The following DENND1B variants were observed in gnomAD, a reference collection of about 807,000 sequenced individuals.
The protein encoded by DENND1B is DENN domain containing 1B.
In DENND1B, 59 loss-of-function variants were observed where a neutral mutation model predicts 90.1. The ratio of observed to expected loss-of-function variants is 0.65; its 90% CI spans 0.53 to 0.81. The LOEUF (loss-of-function observed/expected upper bound fraction) is 0.81. Ranked by LOEUF, DENND1B falls within the 40% of genes least tolerant of loss-of-function variation. The pLI is 0.00. For missense variants in DENND1B, 862 were observed against 912.6 expected, an observed-to-expected ratio of 0.94 and a Z score of 0.71; for synonymous variants, 337 against 324.6, an observed-to-expected ratio of 1.04 and a Z score of -0.41.
intron 12 of DENND1B, among the ~76,000 whole-genome samples, chr1:197,611,424 A>G (rs1195660225): frequency 6.6e-6 from 1 of 150,810 alleles, no homozygotes; most frequent in Non-Finnish European, 1.5e-5. Flanking sequence ...TAAATTTTAT[A>G]TTCCCCAACA....
At chr1:197,616,696 T>C (rs1346928730) in intron 11 of DENND1B, among the ~76,000 whole-genome samples, 1 of 151,176 alleles carries the variant, frequency 6.6e-6, no homozygotes, top group Non-Finnish European at 1.5e-5. Context: ...TAATCCTTAA[T>C]ACTTTCTGCC....
intron 15 of DENND1B, among the ~76,000 whole-genome samples, chr1:197,568,937 A>G (rs1379695517): frequency 6.6e-6 from 1 of 152,140 alleles, no homozygotes; most frequent in Non-Finnish European, 1.5e-5. Context: ...AAGCACAGGC[A>G]ACGAAAGCAA....
At chr1:197,679,893 T>C (rs1452632531) in intron 3 of DENND1B, among the ~76,000 whole-genome samples, 1 of 149,412 alleles carries the variant, frequency 6.7e-6, no homozygotes, top group Non-Finnish European at 1.5e-5. Context: ...CTCACACCTG[T>C]AATCCCAGCA....
intron 2 of DENND1B, among the ~76,000 whole-genome samples, chr1:197,751,797 T>C (rs1485833303): frequency 6.7e-6 from 1 of 148,700 alleles, no homozygotes; most frequent in Non-Finnish European, 1.5e-5. Context: ...TGAGCCAAGA[T>C]CGTGCCACTA....
chr1:197,626,347 T>G (rs950832684), intron 10 of DENND1B, among the ~76,000 whole-genome samples: 4 of 152,144 alleles, frequency 2.6e-5, no homozygotes, highest in African/African-American at 9.7e-5. Flanking sequence ...GCAATCGAAC[T>G]AGAACTCAGG....
At chr1:197,528,387 T>C (rs992842535) in intron 20 of DENND1B, among the ~76,000 whole-genome samples, 45 of 152,164 alleles carry the variant, frequency 3.0e-4, no homozygotes, top group African/African-American at 1.1e-3. Flanking sequence ...AAAAGTATGT[T>C]ACTCATCAAC....
intron 18 of DENND1B, among the ~76,000 whole-genome samples, chr1:197,543,123 T>C (rs1423660848): frequency 6.6e-6 from 1 of 151,902 alleles, no homozygotes; most frequent in Non-Finnish European, 1.5e-5. Context: ...TCAATAGAGA[T>C]GGGGTTTCAC....
intron 3 of DENND1B, among the ~76,000 whole-genome samples, chr1:197,706,457 G>A (rs905933649): frequency 2.0e-5 from 3 of 152,236 alleles, no homozygotes; most frequent in African/African-American, 7.2e-5. Flanking sequence ...AAAAGCTTCG[G>A]CACAGCCAAA....
intron 2 of DENND1B, chr1:197,761,994 C>G (rs1017097127): frequency 5.3e-5 from 8 of 151,730 alleles, no homozygotes; most frequent in Admixed American, 5.3e-4. Flanking sequence ...CCTTTACATT[C>G]AATTTTTTTT....
rs1468353523 is a variant in DENND1B, at chr1:197,509,489, G to A, written c.*971C>T. The A allele has an allele frequency of 2.6e-5, 4 of 151,780 alleles. No homozygotes were observed. The highest frequency in any genetic ancestry group is 5.9e-5 in the Non-Finnish European group (4 of 67,816). The allele number at this position is 151,780 out of a possible 1,614,324, so 9.4% of individuals were successfully genotyped here. On this transcript the variant is annotated 3_prime_UTR_variant, in exon 23 of 23. Coordinates refer to ENST00000620048, the MANE Select transcript of DENND1B (RefSeq NM_001195215.2). ...ACGTAAGATGTTAGTAACAGGGGTA[G>A]ATGGGAACTCTCTGTACTATCTTTG... is the stretch of plus-strand genomic sequence containing the variant.
At position 197,512,903 on chromosome 1, in the gene DENND1B, A is replaced by C; in HGVS notation, c.1566T>G (p.Asp522Glu). 1 of 1,610,700 alleles carries C rather than the reference A, an allele frequency of 6.2e-7. No individual in the cohort carries two copies. The highest frequency in any genetic ancestry group is 1.1e-5 in the South Asian group (1 of 90,908). The change falls in exon 21 of 23, where the codon GAT becomes GAG. Residue 522 changes from aspartate to glutamate, a missense_variant. Coordinates refer to ENST00000620048, the MANE Select transcript of DENND1B (RefSeq NM_001195215.2). Reference sequence around the variant, plus strand: ...CTCTTTCAATGTCATCATCATCTTCATCATCATATAGAGCACCATCAAGGC... The same window carrying C: ...CTCTTTCAATGTCATCATCATCTTCCTCATCATATAGAGCACCATCAAGGC... ...LKSLDGALYD[D>E]EDDDDIERAS...
chr1:197,645,817 G>A, intron 8 of DENND1B, 74 bp from the exon 9 acceptor site: 1 of 1,013,978 alleles, frequency 9.9e-7, no homozygotes, highest in Non-Finnish European at 1.4e-6. Flanking sequence ...ATGAAAATCA[G>A]AAAAAAATAT....
chr1:197,553,170 T>C (rs1671394396), intron 15 of DENND1B, 58 bp from the exon 16 acceptor site: 1 of 1,366,752 alleles, frequency 7.3e-7, no homozygotes, highest in East Asian at 2.6e-5. Flanking sequence ...CAATAAAATG[T>C]TAATTTTTCA....
At chr1:197,708,021 G>A (rs527553994) in intron 3 of DENND1B, among the ~76,000 whole-genome samples, 3 of 151,164 alleles carry the variant, frequency 2.0e-5, no homozygotes, top group East Asian at 2.0e-4. Flanking sequence ...TTTTCAGACC[G>A]GCTTAAGAAA....
At chr1:197,737,828 G>A (rs1414394700) in intron 2 of DENND1B, among the ~76,000 whole-genome samples, 1 of 152,150 alleles carries the variant, frequency 6.6e-6, no homozygotes, top group African/African-American at 2.4e-5. Context: ...TTCCTGTTGA[G>A]TTACAATACA....
intron 3 of DENND1B, among the ~76,000 whole-genome samples, chr1:197,700,786 C>T (rs1267930205): frequency 1.3e-5 from 2 of 152,140 alleles, no homozygotes; most frequent in Non-Finnish European, 2.9e-5. Context: ...AGGATATCAA[C>T]AGACACTACT....
intron 14 of DENND1B, among the ~76,000 whole-genome samples, chr1:197,588,718 T>C (rs979484914): frequency 6.6e-6 from 1 of 152,108 alleles, no homozygotes; most frequent in Non-Finnish European, 1.5e-5. Flanking sequence ...ATAAATGATT[T>C]TCAGGTTATA....
intron 10 of DENND1B, among the ~76,000 whole-genome samples, chr1:197,628,464 G>C (rs1182244127): frequency 6.6e-6 from 1 of 152,138 alleles, no homozygotes; most frequent in Non-Finnish European, 1.5e-5. Context: ...GGGAAAACTG[G>C]CTAGCCATAT....
intron 10 of DENND1B, among the ~76,000 whole-genome samples, 192 bp downstream of exon 10, chr1:197,642,517 CTT>C (rs1278080938): frequency 1.3e-5 from 2 of 152,156 alleles, no homozygotes; most frequent in African/African-American, 4.8e-5. Flanking sequence ...ATTAACCTGA[CTT>C]AATGCATCTG....
Sources: allele counts gnomAD v4.1 joint callset (sites outside exome capture counted in the v4.1 genomes callset), GRCh38; gene constraint gnomAD v4.1.1; transcripts MANE v1.5; gene names NCBI Gene and HGNC (gene_info 2026-07-23, HGNC 2026-07-21).